Variants in TENT5D observed in about 807,000 individuals in gnomAD.
The protein encoded by TENT5D is terminal nucleotidyltransferase 5D.
For synonymous variants in TENT5D, 103 were observed against 100.6 expected, an observed-to-expected ratio of 1.02 and a Z score of -0.15; for missense variants, 191 against 287.0, an observed-to-expected ratio of 0.67 and a Z score of 2.42.
At chrX:80,386,994 A>G (rs1466589548) in intron 3 of TENT5D, among the ~76,000 whole-genome samples, 1 of 112,504 alleles carries the variant, frequency 8.9e-6, no homozygotes, top group Non-Finnish European at 1.9e-5. Context: ...ATCAACTAAA[A>G]GGAAAGAAAA....
intron 3 of TENT5D, among the ~76,000 whole-genome samples, chrX:80,408,901 T>A (rs1305522380): frequency 3.6e-5 from 4 of 110,135 alleles, no homozygotes; most frequent in African/African-American, 1.3e-4. Flanking sequence ...TTATCCACCA[T>A]GATCAAGTGG....
upstream of TENT5D, chrX:80,420,368 G>T (rs984031608): frequency 6.4e-5 from 7 of 109,607 alleles, no homozygotes; most frequent in African/African-American, 2.3e-4. Flanking sequence ...TTTATTTTTT[G>T]AAAATTCCCC....
At chrX:80,415,646 A>G (rs139343711), upstream of TENT5D, among the ~76,000 whole-genome samples, 5 of 112,072 alleles carry the variant, frequency 4.5e-5, no homozygotes, top group African/African-American at 1.3e-4. Flanking sequence ...GATAAAGCCT[A>G]CTTGATCATG....
intron 3 of TENT5D, among the ~76,000 whole-genome samples, chrX:80,398,073 C>T (rs113394814): frequency 0.014 from 1,592 of 112,107 alleles, 36 homozygotes; most frequent in African/African-American, 0.05. Flanking sequence ...TCCTCACCAG[C>T]GTCTGTTACT....
chrX:80,373,490 TATTA>T (rs1930667440), intron 3 of TENT5D, among the ~76,000 whole-genome samples: 2 of 111,820 alleles, frequency 1.8e-5, no homozygotes, highest in Non-Finnish European at 3.8e-5. Flanking sequence ...ATTGTAGGGT[TATTA>T]ATTAGCGTCA....
exon 3 of TENT5D, chrX:80,442,857 C>T (rs764908562): frequency 9.1e-6 from 11 of 1,210,931 alleles, no homozygotes. Flanking sequence ...CAGTTCTAGA[C>T]TGTCTACTTG....
intron 3 of TENT5D, among the ~76,000 whole-genome samples, chrX:80,408,102 G>C (rs1354297991): frequency 9.1e-6 from 1 of 109,459 alleles, no homozygotes; most frequent in Non-Finnish European, 1.9e-5. Flanking sequence ...ATTCAAAGCA[G>C]TGTGTAGAGG....
At chrX:80,405,945 G>A (rs1931481624) in intron 3 of TENT5D, among the ~76,000 whole-genome samples, 1 of 109,712 alleles carries the variant, frequency 9.1e-6, no homozygotes, top group South Asian at 4.1e-4. Context: ...CCTGACCCCT[G>A]ACCCCCGAGC....
chrX:80,356,711 A>C (rs775707056), intron 3 of TENT5D, among the ~76,000 whole-genome samples: 1 of 111,790 alleles, frequency 8.9e-6, no homozygotes, highest in South Asian at 3.7e-4. Context: ...TAATATTTTT[A>C]ATTATATATT....
At chrX:80,409,423 A>G (rs1219900225) in intron 3 of TENT5D, among the ~76,000 whole-genome samples, 1 of 111,375 alleles carries the variant, frequency 9.0e-6, no homozygotes, top group Non-Finnish European at 1.9e-5. Flanking sequence ...AAATCAATGT[A>G]CAAAAATCAC....
intron 3 of TENT5D, among the ~76,000 whole-genome samples, chrX:80,372,190 A>G (rs1408479443): frequency 1.8e-5 from 2 of 111,393 alleles, no homozygotes; most frequent in Non-Finnish European, 3.8e-5. Flanking sequence ...AGTATGGTTT[A>G]AGGAGATGGT....
intron 3 of TENT5D, among the ~76,000 whole-genome samples, chrX:80,384,747 G>C (rs189721950): frequency 1.9e-4 from 20 of 106,284 alleles, no homozygotes; most frequent in African/African-American, 6.5e-4. Flanking sequence ...CAAAGTCAAT[G>C]TGCAAAAATC....
At chrX:80,358,453 A>G (rs1930334048) in intron 3 of TENT5D, among the ~76,000 whole-genome samples, 1 of 112,563 alleles carries the variant, frequency 8.9e-6, no homozygotes, top group South Asian at 3.6e-4. Flanking sequence ...TGGAATAAAA[A>G]GGAACTATAG....
At chrX:80,399,030 G>T (rs1316144689) in intron 3 of TENT5D, among the ~76,000 whole-genome samples, 2 of 111,652 alleles carry the variant, frequency 1.8e-5, no homozygotes, top group Non-Finnish European at 3.8e-5. Flanking sequence ...CATATGTGTT[G>T]TTTGCAGATA....
At chrX:80,354,427 C>A (rs1023762126) in intron 3 of TENT5D, among the ~76,000 whole-genome samples, 1 of 111,893 alleles carries the variant, frequency 8.9e-6, no homozygotes, top group Non-Finnish European at 1.9e-5. Context: ...TGCATTGATT[C>A]ACAGGAGGGG....
intron 3 of TENT5D, among the ~76,000 whole-genome samples, chrX:80,407,135 A>G (rs901976478): frequency 5.5e-5 from 6 of 109,305 alleles, no homozygotes; most frequent in African/African-American, 1.7e-4. Flanking sequence ...GGTACCAGCC[A>G]CTGCAAAATC....
At chrX:80,360,415 G>A (rs1930383157) in intron 3 of TENT5D, among the ~76,000 whole-genome samples, 1 of 111,803 alleles carries the variant, frequency 8.9e-6, no homozygotes, top group African/African-American at 3.2e-5. Context: ...GTATAAATTG[G>A]TTAATATTTT....
chrX:80,385,293 A>T (rs1274776821), intron 3 of TENT5D, among the ~76,000 whole-genome samples: 1 of 111,489 alleles, frequency 9.0e-6, no homozygotes, highest in Non-Finnish European at 1.9e-5. Context: ...CTGATCCTTG[A>T]CAAACCTGAG....
intron 3 of TENT5D, among the ~76,000 whole-genome samples, chrX:80,346,274 C>A (rs1930057945): frequency 8.9e-6 from 1 of 112,183 alleles, no homozygotes; most frequent in Admixed American, 9.5e-5. Flanking sequence ...CATACACCTG[C>A]TGAAAGATAT....
Sources: gnomAD v4.1 joint callset for allele counts (sites outside exome capture counted in the v4.1 genomes callset) on GRCh38, gnomAD v4.1.1 for gene constraint, MANE v1.5 for transcripts, NCBI Gene and HGNC (gene_info 2026-07-23, HGNC 2026-07-21) for gene names.